Variants in PCBD2 observed in about 807,000 individuals in gnomAD.
PCBD2 encodes pterin-4-alpha-carbinolamine dehydratase 2.
Under a neutral mutation model 16.4 loss-of-function variants are expected in PCBD2, and 12 were observed. That is an observed-to-expected ratio of 0.73 (90% CI 0.47 to 1.19). PCBD2 has a LOEUF of 1.19. PCBD2 is among the 50% of genes most tolerant of loss of function. The pLI, the probability that PCBD2 is intolerant of heterozygous loss-of-function variation, is 0.00. For missense variants in PCBD2, 138 were observed against 156.8 expected, an observed-to-expected ratio of 0.88 and a Z score of 0.64; for synonymous variants, 58 against 61.8, an observed-to-expected ratio of 0.94 and a Z score of 0.29.
At chr5:134,953,855 A>G (rs1751385897) in intron 2 of PCBD2, among the ~76,000 whole-genome samples, 1 of 152,146 alleles carries the variant, frequency 6.6e-6, no homozygotes, top group Non-Finnish European at 1.5e-5. Flanking sequence ...TATAGCATTT[A>G]TGGTCCCCCC....
intron 2 of PCBD2, chr5:134,927,517 G>A: frequency 2.5e-6 from 1 of 397,824 alleles, no homozygotes; most frequent in Non-Finnish European, 4.4e-6. Flanking sequence ...AGAATATTCA[G>A]TGAGCCTAGG....
intron 2 of PCBD2, among the ~76,000 whole-genome samples, chr5:134,921,552 CA>C (rs111792025): frequency 1.3e-5 from 2 of 152,154 alleles, no homozygotes; most frequent in African/African-American, 4.8e-5. Flanking sequence ...CCACAGAGTA[CA>C]GGGGGGTTCC....
chr5:134,916,143 A>G (rs1265826640), intron 2 of PCBD2, among the ~76,000 whole-genome samples: 2 of 152,142 alleles, frequency 1.3e-5, no homozygotes, highest in Non-Finnish European at 2.9e-5. Context: ...AAAATTAGCC[A>G]AGAGTGGTGG....
intron 2 of PCBD2, chr5:134,925,364 T>C (rs1750975057): frequency 2.5e-6 from 1 of 398,424 alleles, no homozygotes; most frequent in Non-Finnish European, 4.4e-6. Flanking sequence ...GTAAGAGGTA[T>C]GGTTTTGAGT....
chr5:134,952,973 C>A (rs1192964355), intron 2 of PCBD2, among the ~76,000 whole-genome samples: 1 of 151,600 alleles, frequency 6.6e-6, no homozygotes. Context: ...GCAAATTACC[C>A]GCTTCAGGAC....
intron 2 of PCBD2, among the ~76,000 whole-genome samples, chr5:134,946,570 T>A (rs1751297829): frequency 1.3e-5 from 2 of 152,206 alleles, no homozygotes; most frequent in Non-Finnish European, 2.9e-5. Flanking sequence ...AGTTTAAAAA[T>A]AAGCAAAAGA....
At chr5:134,940,315 G>A (rs188057270) in intron 2 of PCBD2, among the ~76,000 whole-genome samples, 136 of 152,298 alleles carry the variant, frequency 8.9e-4, no homozygotes, top group Middle Eastern at 3.4e-3. Context: ...GTCCCTGCCG[G>A]CTCCAACCCT....
At chr5:134,920,355 C>A (rs188713303) in intron 2 of PCBD2, among the ~76,000 whole-genome samples, 2 of 152,294 alleles carry the variant, frequency 1.3e-5, no homozygotes, top group Non-Finnish European at 2.9e-5. Context: ...ATTTTTAGAT[C>A]CTACTGTGAC....
intron 2 of PCBD2, chr5:134,924,666 G>A (rs1396122292): frequency 1.3e-5 from 5 of 396,776 alleles, no homozygotes; most frequent in African/African-American, 6.2e-5. Context: ...TTAGGAGTAG[G>A]GTTAGGATGA....
rs1229718483 is a variant in PCBD2 at position 134,960,656 on chromosome 5, T to C, written c.368T>C (p.Ile123Thr). 1.2e-6 allele frequency: 2 copies of C among 1,612,650 alleles called. No homozygotes were observed. The highest frequency in any genetic ancestry group is 1.7e-6 in the Non-Finnish European group (2 of 1,178,692). ...AAAGATGTGAAGCTGGCCAAGTTTA[T>C]TGAAAAAGCAGCTGCTTCTGTGTGA... ...TKKDVKLAKF[I>T]EKAAASV is the part of the protein sequence containing the mutation. The change falls in exon 4 of 4, where the codon ATT becomes ACT. Residue 123 changes from isoleucine (I) to threonine (T), a missense_variant. Ile to Thr is a moderately conservative substitution (Grantham distance 89). Transcript: ENST00000254908.
chr5:134,957,760 A>G (rs888090581), intron 2 of PCBD2, among the ~76,000 whole-genome samples: 5 of 152,226 alleles, frequency 3.3e-5, no homozygotes, highest in Admixed American at 2.6e-4. Flanking sequence ...TTATGAGATG[A>G]GAAGGGCTGG....
chr5:134,944,938 A>G (rs1328335337), intron 2 of PCBD2, among the ~76,000 whole-genome samples: 4 of 152,248 alleles, frequency 2.6e-5, no homozygotes, highest in South Asian at 2.1e-4. Context: ...TCCCAACAGG[A>G]CATAAATTAT....
chr5:134,911,837 CTT>C (rs1750772414), intron 2 of PCBD2, among the ~76,000 whole-genome samples: 1 of 152,236 alleles, frequency 6.6e-6, no homozygotes. Flanking sequence ...CTCAACAGCT[CTT>C]GTTAGGGGCT....
At chr5:134,911,072 G>A (rs1425976904) in intron 2 of PCBD2, among the ~76,000 whole-genome samples, 2 of 152,238 alleles carry the variant, frequency 1.3e-5, no homozygotes, top group African/African-American at 4.8e-5. Context: ...AGAGATATGA[G>A]CCACTGTGCC....
chr5:134,961,542 C>T lies in PCBD2; in HGVS notation c.*861C>T, dbSNP rs374361074. ...CTCGTGATCCACCTGCCTCCACCTC[C>T]GAAAGTGTTGGGATCACAGGCATGA... On this transcript the variant is annotated 3_prime_UTR_variant, in exon 4 of 4. Transcript: ENST00000254908. Among the ~76,000 whole-genome samples, 4 of 152,098 alleles carry T rather than the reference C, an allele frequency of 2.6e-5. No homozygotes were observed. The highest frequency in any genetic ancestry group is 1.9e-4 in the East Asian group (1 of 5,186).
chr5:134,915,150 A>G (rs892069721), intron 2 of PCBD2, among the ~76,000 whole-genome samples: 3 of 151,960 alleles, frequency 2.0e-5, no homozygotes, highest in Admixed American at 6.6e-5. Flanking sequence ...CCCTGTCTCT[A>G]CCAAAAATAC....
At chr5:134,928,968 A>T (rs1751058011) in intron 2 of PCBD2, among the ~76,000 whole-genome samples, 1 of 152,206 alleles carries the variant, frequency 6.6e-6, no homozygotes, top group Non-Finnish European at 1.5e-5. Context: ...GAGACATCCA[A>T]ATGTCAACTT....
At chr5:134,942,448 C>T (rs975586742) in intron 2 of PCBD2, among the ~76,000 whole-genome samples, 3 of 151,962 alleles carry the variant, frequency 2.0e-5, no homozygotes, top group Non-Finnish European at 4.4e-5. Context: ...TATAAATGCT[C>T]ATTATATTTT....
chr5:134,906,467 G>A (rs1750691993), intron 1 of PCBD2, among the ~76,000 whole-genome samples: 1 of 151,852 alleles, frequency 6.6e-6, no homozygotes, highest in Non-Finnish European at 1.5e-5. Context: ...GCCTCCCAAA[G>A]TGCTGTAATA....
Sources: gnomAD v4.1 joint callset for allele counts (sites outside exome capture counted in the v4.1 genomes callset) on GRCh38, gnomAD v4.1.1 for gene constraint, MANE v1.5 for transcripts, NCBI Gene and HGNC (gene_info 2026-07-23, HGNC 2026-07-21) for gene names.